The following ATP13A4 variants were observed in gnomAD, a reference collection of about 807,000 sequenced individuals.
ATP13A4 encodes the protein ATPase 13A4, also known as probable cation-transporting ATPase 13A4.
A neutral mutation model predicts 142.5 loss-of-function variants in ATP13A4; 114 were observed. The observed-to-expected ratio is 0.80, with a 90% CI of 0.69 to 0.93. The LOEUF is 0.93. Among genes scored for constraint, ATP13A4 ranks in the 40% least tolerant of loss-of-function variants. ATP13A4 has a pLI of 0.00. For missense variants in ATP13A4, 1,392 were observed against 1,454.0 expected, an observed-to-expected ratio of 0.96 and a Z score of 0.69; for synonymous variants, 488 against 514.8, an observed-to-expected ratio of 0.95 and a Z score of 0.70.
rs570676370 is a variant in ATP13A4, at chr3:193,586,449, A to G, written n.92-4543T>C. 9.6e-4 allele frequency among the ~76,000 whole-genome samples: 146 copies of G among 152,326 alleles called. 4 individuals are homozygous for G. The South Asian group carries it at 0.023, about 24-fold the overall frequency. ...TACTGTATTTTCTTCAATAAGCTTCATAGTGTTTACTTGTACATTTAGGGC... is the reference window on the plus strand; with the variant it reads ...TACTGTATTTTCTTCAATAAGCTTCGTAGTGTTTACTTGTACATTTAGGGC... On this transcript the variant is annotated intron_variant and non_coding_transcript_variant, in intron 1 of 3. Coordinates refer to the ATP13A4 transcript ENST00000489140.
At chr3:193,454,283 C>T in intron 16 of ATP13A4, 71 bp from the exon 17 acceptor site, 1 of 1,168,838 alleles carries the variant, frequency 8.6e-7, no homozygotes, top group Admixed American at 1.8e-5. Flanking sequence ...AAATTCTTTA[C>T]AAACATCCAA....
intron 3 of ATP13A4, among the ~76,000 whole-genome samples, chr3:193,500,580 A>G (rs1720488771): frequency 6.6e-6 from 1 of 152,172 alleles, no homozygotes; most frequent in Non-Finnish European, 1.5e-5. Flanking sequence ...CGCAGTTCAC[A>G]ATATTAAGGA....
chr3:193,587,286 C>A (rs1724687818), intron 1 of ATP13A4, among the ~76,000 whole-genome samples: 1 of 152,218 alleles, frequency 6.6e-6, no homozygotes, highest in African/African-American at 2.4e-5. Flanking sequence ...GCTGGAGGCT[C>A]TAAAGGAGAA....
chr3:193,453,324 C>T (rs1195178305), intron 17 of ATP13A4, among the ~76,000 whole-genome samples: 2 of 151,970 alleles, frequency 1.3e-5, no homozygotes, highest in East Asian at 3.9e-4. Flanking sequence ...TAGATTGAAA[C>T]AAATAGGTTA....
rs150429290 is a variant in ATP13A4, at chr3:193,414,698, C to T, written c.2895G>A (p.Arg965=). The part of the protein sequence containing the change: ...PKLVPFRPAG[R]LISPPLLLSV... ...AGAGTAGCAGAGGTGGAGAGATCAGCCGTCCTGCAGGTCTGAAAGGCACCA... is the reference window on the plus strand; with the variant it reads ...AGAGTAGCAGAGGTGGAGAGATCAGTCGTCCTGCAGGTCTGAAAGGCACCA... The change falls in exon 26 of 30, where the codon CGG becomes CGA. Residue 965 remains arginine, a synonymous_variant. Transcript: ENST00000342695. The T allele has an allele frequency of 1.2e-6, 2 of 1,613,974 alleles. No individual in the cohort carries two copies. The highest frequency in any genetic ancestry group is 3.3e-5 in the Admixed American group (2 of 59,978).
intron 12 of ATP13A4, 145 bp downstream of exon 12, chr3:193,464,795 T>C: frequency 1.1e-6 from 1 of 882,612 alleles, no homozygotes; most frequent in Non-Finnish European, 1.8e-6. Context: ...GACATATCTT[T>C]CCCAGATCAT....
At chr3:193,551,592 T>C (rs1723569271) in intron 1 of ATP13A4, among the ~76,000 whole-genome samples, 1 of 152,202 alleles carries the variant, frequency 6.6e-6, no homozygotes, top group African/African-American at 2.4e-5. Flanking sequence ...TCAAAACATG[T>C]TTATATGGAT....
intron 1 of ATP13A4, among the ~76,000 whole-genome samples, chr3:193,552,324 C>G (rs996224818): frequency 6.6e-6 from 1 of 152,162 alleles, no homozygotes; most frequent in African/African-American, 2.4e-5. Flanking sequence ...CATCTTTAGG[C>G]CTCAGAATAT....
chr3:193,417,514 T>G (rs1715126808), intron 25 of ATP13A4, among the ~76,000 whole-genome samples: 1 of 152,240 alleles, frequency 6.6e-6, no homozygotes, highest in South Asian at 2.1e-4. Flanking sequence ...GTTATAAATT[T>G]AGAATGTTTC....
intron 3 of ATP13A4, among the ~76,000 whole-genome samples, chr3:193,502,135 A>G (rs1004766222): frequency 3.9e-5 from 6 of 152,216 alleles, no homozygotes; most frequent in Admixed American, 3.9e-4. Flanking sequence ...GTGAGATCCT[A>G]CCTCTAACAA....
chr3:193,417,521 T>C (rs1002288859), intron 25 of ATP13A4, among the ~76,000 whole-genome samples: 10 of 152,224 alleles, frequency 6.6e-5, no homozygotes, highest in Admixed American at 5.9e-4. Context: ...ATTTAGAATG[T>C]TTCATGTCAT....
At chr3:193,426,168 A>G (rs1170829088) in intron 25 of ATP13A4, among the ~76,000 whole-genome samples, 1 of 151,896 alleles carries the variant, frequency 6.6e-6, no homozygotes, top group African/African-American at 2.4e-5. Context: ...GAATACAGCA[A>G]TGTTTCAGGG....
intron 1 of ATP13A4, among the ~76,000 whole-genome samples, chr3:193,521,387 T>C (rs1334682453): frequency 1.3e-5 from 2 of 152,150 alleles, no homozygotes; most frequent in Non-Finnish European, 2.9e-5. Context: ...TTTTGATACC[T>C]GGGAAAGGAG....
chr3:193,572,757 C>G (rs954018462), intron 2 of ATP13A4, among the ~76,000 whole-genome samples: 1 of 151,970 alleles, frequency 6.6e-6, no homozygotes, highest in Non-Finnish European at 1.5e-5. Context: ...GACGTTAGTA[C>G]ATGCACGTGA....
At chr3:193,581,205 C>T (rs1724537254) in intron 2 of ATP13A4, among the ~76,000 whole-genome samples, 1 of 152,164 alleles carries the variant, frequency 6.6e-6, no homozygotes, top group South Asian at 2.1e-4. Flanking sequence ...TAATAGTGTT[C>T]AAATACTGAA....
chr3:193,489,878 T>C lies in ATP13A4; in HGVS notation c.604-14A>G. 1.9e-6 allele frequency: 3 copies of C among 1,611,426 alleles called. No homozygotes were observed. The highest frequency in any genetic ancestry group is 2.5e-6 in the Non-Finnish European group (3 of 1,178,166). ...TGGATTTAGAACCTGTTGGCAGACA[T>C]AAAAACAGGAAGACAAGGGAGAGTT... is the stretch of plus-strand genomic sequence containing the variant. On this transcript the variant is annotated splice_polypyrimidine_tract_variant and intron_variant, in intron 6 of 29. Transcript: ENST00000342695.
rs71179308 is a variant in ATP13A4, at chr3:193,541,248, C to CAAAA, written c.60+13488_60+13491dup. ...TGGGCGACAGAGCGAGACTCCTTCT[C>CAAAA]AAAAAAAAAAAAAAAAAAAAAATCA... is the stretch of plus-strand genomic sequence containing the variant. On this transcript the variant is annotated intron_variant, in intron 1 of 29. Transcript: ENST00000342695. Among the ~76,000 whole-genome samples, 93 of 51,276 alleles carry CAAAA rather than the reference C, an allele frequency of 1.8e-3. 3 individuals are homozygous for CAAAA. Among genetic ancestry groups the CAAAA allele is most frequent in the African/African-American group, 4.2e-3 (60 of 14,250 alleles). 33.6% of individuals were successfully genotyped at this position (51,276 alleles called of 152,430 possible).
intron 23 of ATP13A4, among the ~76,000 whole-genome samples, chr3:193,437,119 A>C (rs1391058605): frequency 6.6e-6 from 1 of 151,406 alleles, no homozygotes; most frequent in Non-Finnish European, 1.5e-5. Context: ...AAAAAAAAAA[A>C]AAACCTGATC....
At chr3:193,479,195 T>C (rs1719147432) in intron 8 of ATP13A4, among the ~76,000 whole-genome samples, 1 of 152,158 alleles carries the variant, frequency 6.6e-6, no homozygotes. Context: ...GCATTTCCCC[T>C]GAGAACTGGA....
Sources: allele counts gnomAD v4.1 joint callset (sites outside exome capture counted in the v4.1 genomes callset), GRCh38; gene constraint gnomAD v4.1.1; transcripts MANE v1.5; gene names NCBI Gene and HGNC (gene_info 2026-07-23, HGNC 2026-07-21).